Variants in NNT observed in about 807,000 individuals in gnomAD.
NNT encodes NAD(P) transhydrogenase, mitochondrial.
In NNT, 50 loss-of-function variants were observed where a neutral mutation model predicts 104.8. That is an observed-to-expected ratio of 0.48 (90% CI 0.38 to 0.60). The LOEUF is 0.60. NNT is among the 20% of genes least tolerant of loss of function. NNT has a pLI of 0.00. For synonymous variants in NNT, 461 were observed against 490.4 expected, an observed-to-expected ratio of 0.94 and a Z score of 0.79; for missense variants, 1,131 against 1,330.7, an observed-to-expected ratio of 0.85 and a Z score of 2.33.
intron 1 of NNT, among the ~76,000 whole-genome samples, chr5:43,607,633 A>G (rs1156302654): frequency 6.6e-6 from 1 of 152,106 alleles, no homozygotes; most frequent in Admixed American, 6.5e-5. Flanking sequence ...TTGTATTTTT[A>G]GTAGAGACGA....
chr5:43,656,128 G>A, intron 15 of NNT, 55 bp downstream of exon 15: 1 of 1,441,844 alleles, frequency 6.9e-7, no homozygotes, highest in Non-Finnish European at 9.7e-7. Context: ...GGCATTTAGG[G>A]ATCCATTTTA....
intron 19 of NNT, among the ~76,000 whole-genome samples, chr5:43,690,570 A>T (rs1235199954): frequency 6.6e-6 from 1 of 152,216 alleles, no homozygotes; most frequent in Non-Finnish European, 1.5e-5. Context: ...AGAGGCAGTT[A>T]GTACTGTAGG....
At chr5:43,616,615 G>C (rs1749805583) in intron 4 of NNT, among the ~76,000 whole-genome samples, 1 of 152,220 alleles carries the variant, frequency 6.6e-6, no homozygotes, top group Non-Finnish European at 1.5e-5. Flanking sequence ...TTAAGGTCAA[G>C]ATGGTAATAA....
intron 17 of NNT, among the ~76,000 whole-genome samples, chr5:43,669,122 A>G (rs1022036405): frequency 2.6e-5 from 4 of 152,132 alleles, no homozygotes; most frequent in Non-Finnish European, 5.9e-5. Flanking sequence ...ATTTTTGCAC[A>G]TTGATTTTGT....
chr5:43,704,481 A>C lies in NNT; in HGVS notation c.*77A>C, dbSNP rs534489214. 5.5e-6 allele frequency: 8 copies of C among 1,443,642 alleles called. No homozygotes were observed. The African/African-American group carries it at 5.7e-5, about 10-fold the overall frequency. 89.4% of individuals were successfully genotyped at this position (1,443,642 alleles called of 1,614,324 possible). On this transcript the variant is annotated 3_prime_UTR_variant, in exon 22 of 22. Coordinates refer to ENST00000344920, the MANE Select transcript of NNT (RefSeq NM_182977.3). ...ACAGGCAAATAAAGTATCAGTATAC[A>C]TGGTGATGTACATCTGTAGCAAAGC... is the stretch of plus-strand genomic sequence containing the variant.
intron 7 of NNT, among the ~76,000 whole-genome samples, chr5:43,642,670 A>C (rs1403916316): frequency 6.6e-6 from 1 of 152,198 alleles, no homozygotes; most frequent in East Asian, 1.9e-4. Context: ...TAGAAAAAGC[A>C]CTTCACCCAG....
intron 19 of NNT, among the ~76,000 whole-genome samples, chr5:43,698,327 A>G (rs932088505): frequency 6.6e-6 from 1 of 152,024 alleles, no homozygotes; most frequent in African/African-American, 2.4e-5. Flanking sequence ...GGGTCTGCAC[A>G]TTCTTACCAT....
At chr5:43,702,449 G>A (rs1026612104) in intron 20 of NNT, among the ~76,000 whole-genome samples, 172 bp from the exon 21 acceptor site, 1 of 152,168 alleles carries the variant, frequency 6.6e-6, no homozygotes, top group African/African-American at 2.4e-5. Context: ...TGTGAAATTG[G>A]CCGAGTTGCT....
intron 18 of NNT, among the ~76,000 whole-genome samples, chr5:43,676,150 G>A (rs900905709): frequency 2.0e-5 from 3 of 152,152 alleles, no homozygotes; most frequent in Non-Finnish European, 4.4e-5. Flanking sequence ...ATGGAGTCAC[G>A]ATACCTCACT....
intron 19 of NNT, among the ~76,000 whole-genome samples, chr5:43,687,193 T>A (rs1468272206): frequency 6.6e-6 from 1 of 152,134 alleles, no homozygotes; most frequent in African/African-American, 2.4e-5. Flanking sequence ...AAGAAGTAGA[T>A]GCATAAAGGA....
intron 17 of NNT, among the ~76,000 whole-genome samples, chr5:43,670,576 A>C (rs537644142): frequency 2.0e-5 from 3 of 152,176 alleles, no homozygotes; most frequent in Admixed American, 6.5e-5. Context: ...CTCAGTTTCC[A>C]TGTAGTTGAG....
chr5:43,623,330 G>A (rs941768847), intron 5 of NNT, among the ~76,000 whole-genome samples: 11 of 151,846 alleles, frequency 7.2e-5, no homozygotes, highest in African/African-American at 2.4e-4. Context: ...ACTCTGGAAG[G>A]CCCGTTCCAG....
chr5:43,704,130 C>A, intron 21 of NNT, 125 bp from the exon 22 acceptor site: 1 of 692,676 alleles, frequency 1.4e-6, no homozygotes, highest in Non-Finnish European at 2.3e-6. Flanking sequence ...TTTAAAGTCC[C>A]TGCACTAAAG....
chr5:43,637,992 C>T lies in NNT; in HGVS notation c.965-6200C>T, dbSNP rs954255298. Among the ~76,000 whole-genome samples, 68 of 152,130 alleles carry T rather than the reference C, an allele frequency of 4.5e-4. 1 individual carries two copies. Among genetic ancestry groups the T allele is most frequent in the African/African-American group, 1.6e-3 (65 of 41,426 alleles). ...TGAATTGTTGTTCCCATAATCCCCA[C>T]GTATCACGGGAAGGACCAGGTGGAG... On this transcript the variant is annotated intron_variant, in intron 7 of 21. Transcript: ENST00000344920.
At chr5:43,621,721 C>T (rs1303585386) in intron 5 of NNT, among the ~76,000 whole-genome samples, 3 of 151,578 alleles carry the variant, frequency 2.0e-5, no homozygotes, top group Non-Finnish European at 4.4e-5. Flanking sequence ...TAATTTCACA[C>T]AGGAAAAAAA....
At chr5:43,700,686 TTC>T (rs1253750040) in intron 20 of NNT, among the ~76,000 whole-genome samples, 1 of 152,240 alleles carries the variant, frequency 6.6e-6, no homozygotes, top group Non-Finnish European at 1.5e-5. Flanking sequence ...TGAAGTAATT[TTC>T]TCTTTCTTTT....
intron 7 of NNT, among the ~76,000 whole-genome samples, chr5:43,632,522 T>C (rs540536202): frequency 1.3e-5 from 2 of 152,346 alleles, no homozygotes; most frequent in Admixed American, 6.5e-5. Context: ...GATAGTTCTG[T>C]AGCTAGCTAG....
intron 14 of NNT, chr5:43,653,552 G>A (rs1424868493): frequency 7.2e-5 from 10 of 139,606 alleles, no homozygotes; most frequent in African/African-American, 2.6e-4. Flanking sequence ...AACAGCCAAA[G>A]ATTCTGCTTC....
chr5:43,612,112 C>T (rs2111796710), intron 2 of NNT, among the ~76,000 whole-genome samples: 1 of 152,314 alleles, frequency 6.6e-6, no homozygotes, highest in Non-Finnish European at 1.5e-5. Context: ...GTTTCTATCA[C>T]TGTTACTGCT....
Sources: gnomAD v4.1 joint callset for allele counts (sites outside exome capture counted in the v4.1 genomes callset) on GRCh38, gnomAD v4.1.1 for gene constraint, MANE v1.5 for transcripts, NCBI Gene and HGNC (gene_info 2026-07-23, HGNC 2026-07-21) for gene names.